ZMYND11: variants seen among roughly 807,000 people sequenced by gnomAD.
ZMYND11 encodes zinc finger MYND-type containing 11.
Under a neutral mutation model 84.9 loss-of-function variants are expected in ZMYND11, and 9 were observed. The ratio of observed to expected loss-of-function variants is 0.11; its 90% confidence interval spans 0.06 to 0.18. ZMYND11 has a LOEUF of 0.18. Ranked by LOEUF, ZMYND11 falls within the 10% of genes least tolerant of loss-of-function variation. The pLI is 1.00. For synonymous variants in ZMYND11, 250 were observed against 244.1 expected, an observed-to-expected ratio of 1.02 and a Z score of -0.23; for missense variants, 409 against 761.0, an observed-to-expected ratio of 0.54 and a Z score of 5.44.
At chr10:190,626 C>G (rs1468217322) in intron 2 of ZMYND11, among the ~76,000 whole-genome samples, 1 of 152,176 alleles carries the variant, frequency 6.6e-6, no homozygotes, top group Non-Finnish European at 1.5e-5. Context: ...GTCCAAATAC[C>G]TGAGCAAGGC....
intron 1 of ZMYND11, among the ~76,000 whole-genome samples, chr10:144,107 A>G (rs2131190232): frequency 6.6e-6 from 1 of 152,318 alleles, no homozygotes; most frequent in African/African-American, 2.4e-5. Flanking sequence ...TTATTTTCAA[A>G]TGAATTAAAA....
At chr10:200,407 C>A (rs1270906940) in intron 2 of ZMYND11, among the ~76,000 whole-genome samples, 2 of 141,180 alleles carry the variant, frequency 1.4e-5, no homozygotes, top group South Asian at 2.2e-4. Flanking sequence ...ATATATACAC[C>A]CTATATATAT....
intron 9 of ZMYND11, 67 bp from the exon 10 acceptor site, chr10:241,954 T>A: frequency 6.4e-7 from 1 of 1,551,282 alleles, no homozygotes; most frequent in Non-Finnish European, 8.8e-7. Context: ...ACTAGTTTAA[T>A]ATTAATGGTA....
At chr10:197,684 G>T (rs765492877) in intron 2 of ZMYND11, among the ~76,000 whole-genome samples, 33 of 152,128 alleles carry the variant, frequency 2.2e-4, no homozygotes, top group Non-Finnish European at 4.0e-4. Context: ...AAATCTTTAG[G>T]GTTTTCAGAA....
chr10:155,880 G>A (rs187155488), intron 1 of ZMYND11, among the ~76,000 whole-genome samples: 142 of 152,286 alleles, frequency 9.3e-4, no homozygotes, highest in Non-Finnish European at 1.5e-3. Context: ...GTGTACAAGA[G>A]ACTTAAACCA....
chr10:181,537 T>C lies in ZMYND11; in HGVS notation c.116+1409T>C, dbSNP rs182079907. ...AGGAGGCTGAGGTGGGAGAATCACT[T>C]GAGCCTGGGAGGCAGAGGTTGCAGT... On this transcript the variant is annotated intron_variant, in intron 2 of 14. Transcript: ENST00000381604. 3.9e-5 allele frequency among the ~76,000 whole-genome samples: 6 copies of C among 152,314 alleles called. No homozygotes were observed. In the East Asian group the frequency reaches 1.2e-3, roughly 29 times the overall value.
rs199624769 is a variant in ZMYND11, at chr10:181,710, T to C, written c.116+1582T>C. Among the ~76,000 whole-genome samples the C allele has an allele frequency of 2.6e-5, 4 of 152,176 alleles. No individual in the cohort carries two copies. In the East Asian group the frequency reaches 7.7e-4, roughly 29 times the overall value. On this transcript the variant is annotated intron_variant, in intron 2 of 14. Coordinates refer to ENST00000381604, the MANE Select transcript of ZMYND11 (RefSeq NM_001370100.5). The stretch of plus-strand genomic sequence containing the variant: ...GAGGATATATGTGGCTCCAATTCTG[T>C]ACTCGCCTTTGTGGTATTTTAAAGC...
chr10:247,252 A>T, intron 11 of ZMYND11, 146 bp from the exon 12 acceptor site: 1 of 961,616 alleles, frequency 1.0e-6, no homozygotes, highest in Non-Finnish European at 1.6e-6. Flanking sequence ...AGAACAGTAA[A>T]TTAAGTCAGT....
intron 3 of ZMYND11, among the ~76,000 whole-genome samples, chr10:215,947 A>G (rs1267894248): frequency 2.6e-5 from 4 of 152,162 alleles, no homozygotes; most frequent in Non-Finnish European, 5.9e-5. Flanking sequence ...ATTAATGAAA[A>G]TATATATTTT....
At chr10:172,242 A>G (rs1053811304) in intron 1 of ZMYND11, among the ~76,000 whole-genome samples, 4 of 152,230 alleles carry the variant, frequency 2.6e-5, no homozygotes, top group African/African-American at 4.8e-5. Context: ...TTCAAACTGC[A>G]GTACTAGCTA....
chr10:167,748 C>G (rs1844342270), intron 1 of ZMYND11, among the ~76,000 whole-genome samples: 1 of 151,960 alleles, frequency 6.6e-6, no homozygotes, highest in African/African-American at 2.4e-5. Flanking sequence ...TTCTTAATAC[C>G]TGGTAGTTAA....
intron 10 of ZMYND11, among the ~76,000 whole-genome samples, chr10:242,549 TGTGTAAATACCTGAAGCGTGC>T (rs1427345581): frequency 2.6e-4 from 40 of 152,304 alleles, no homozygotes; most frequent in African/African-American, 8.9e-4. Flanking sequence ...TCTTACAATG[TGTGTAAATACCTGAAGCGTGC>T]GTGGAAATAA....
chr10:254,502 A>C lies in ZMYND11; in HGVS notation c.*2032A>C, dbSNP rs780115038. The C allele has an allele frequency of 6.5e-6, 1 of 152,676 alleles. No individual in the cohort carries two copies. The highest frequency in any genetic ancestry group is 2.4e-5 in the African/African-American group (1 of 41,474). The allele number at this position is 152,676 out of a possible 1,614,324, so 9.5% of individuals were successfully genotyped here. The stretch of plus-strand genomic sequence containing the variant: ...TATCGAGGTGTTGAGCTTAGCCACT[A>C]TGCACATTGTAATTATTCATTGTGG... On this transcript the variant is annotated 3_prime_UTR_variant, in exon 15 of 15. Coordinates refer to ENST00000381604, the MANE Select transcript of ZMYND11 (RefSeq NM_001370100.5).
intron 4 of ZMYND11, among the ~76,000 whole-genome samples, chr10:233,287 G>A (rs1254011084): frequency 2.6e-5 from 4 of 152,146 alleles, no homozygotes; most frequent in East Asian, 1.9e-4. Flanking sequence ...AGACAAGGGC[G>A]TGCACTGGTG....
chr10:187,545 A>C (rs1322245460), intron 2 of ZMYND11, among the ~76,000 whole-genome samples: 1 of 151,930 alleles, frequency 6.6e-6, no homozygotes, highest in African/African-American at 2.4e-5. Context: ...GAGGCAGGAG[A>C]ATGGGGTGAA....
At chr10:217,410 C>G (rs1355584142) in intron 3 of ZMYND11, among the ~76,000 whole-genome samples, 2 of 151,688 alleles carry the variant, frequency 1.3e-5, no homozygotes, top group Admixed American at 1.3e-4. Context: ...GTAATTCCAG[C>G]TACTTGGGAA....
chr10:222,032 C>A (rs573720985), intron 4 of ZMYND11, among the ~76,000 whole-genome samples: 1 of 152,130 alleles, frequency 6.6e-6, no homozygotes, highest in South Asian at 2.1e-4. Flanking sequence ...TATGTGGTGA[C>A]TTATTACATA....
At chr10:163,463 C>T (rs749029334) in intron 1 of ZMYND11, among the ~76,000 whole-genome samples, 22 of 151,104 alleles carry the variant, frequency 1.5e-4, no homozygotes, top group Non-Finnish European at 2.4e-4. Context: ...TTTTTTTGTT[C>T]TACTTTTTGG....
chr10:208,153 G>A (rs974431344), intron 2 of ZMYND11, among the ~76,000 whole-genome samples: 1 of 152,090 alleles, frequency 6.6e-6, no homozygotes, highest in African/African-American at 2.4e-5. Context: ...AATTCAAGAT[G>A]GATTAAAGAC....
Sources: allele counts gnomAD v4.1 joint callset (sites outside exome capture counted in the v4.1 genomes callset), GRCh38; gene constraint gnomAD v4.1.1; transcripts MANE v1.5; gene names NCBI Gene and HGNC (gene_info 2026-07-23, HGNC 2026-07-21).